The following SAP18 variants were observed in gnomAD, a reference collection of about 807,000 sequenced individuals.
SAP18 encodes the protein histone deacetylase complex subunit SAP18.
Under a neutral mutation model 18.6 loss-of-function variants are expected in SAP18, and 4 were observed. That is an observed-to-expected ratio of 0.21 (90% CI 0.11 to 0.49). The LOEUF (loss-of-function observed/expected upper bound fraction) is 0.49. SAP18 is among the 20% of genes least tolerant of loss of function. SAP18 has a pLI of 0.98. For synonymous variants in SAP18, 112 were observed against 82.8 expected (o/e 1.35, Z -1.92); for missense variants, 170 against 226.4 (o/e 0.75, Z 1.60).
chr13:21,146,591 A>C (rs1267243124), intron 2 of SAP18: 6 of 362,152 alleles, frequency 1.7e-5, no homozygotes, highest in African/African-American at 4.2e-5. Context: ...GAGTCTAATT[A>C]ATTGAAATTT....
At chr13:21,142,393 C>T (rs2137336229) in intron 2 of SAP18, among the ~76,000 whole-genome samples, 1 of 151,902 alleles carries the variant, frequency 6.6e-6, no homozygotes, top group South Asian at 2.1e-4. Context: ...GTGGCGTGAT[C>T]TCAGCTCACT....
chr13:21,141,611 C>T (rs1482626908), intron 2 of SAP18: 1 of 153,966 alleles, frequency 6.5e-6, no homozygotes, highest in Middle Eastern at 3.1e-3. Flanking sequence ...GGATTGACAC[C>T]ATAATGGCTT....
chr13:21,141,364 G>A (rs1467449765), intron 2 of SAP18: 1 of 251,134 alleles, frequency 4.0e-6, no homozygotes, highest in Non-Finnish European at 8.0e-6. Flanking sequence ...GGAGAGTGAT[G>A]CTGTCGAGTG....
At chr13:21,148,292 TTAAA>T (rs1279929680) in exon 4 of SAP18, 1 of 152,228 alleles carries the variant, frequency 6.6e-6, no homozygotes, top group African/African-American at 2.4e-5. Context: ...ACTGAATATT[TTAAA>T]AGAGCTTAGA....
chr13:21,146,607 A>AGTAAG (rs1375397555), intron 2 of SAP18, 198 bp from the exon 3 acceptor site: 2 of 390,252 alleles, frequency 5.1e-6, no homozygotes, highest in African/African-American at 4.1e-5. Context: ...AATTTCCAGC[A>AGTAAG]GTAAGGCTGG....
chr13:21,142,861 C>T (rs938133646), intron 2 of SAP18, among the ~76,000 whole-genome samples: 6 of 152,110 alleles, frequency 3.9e-5, no homozygotes, highest in Non-Finnish European at 8.8e-5. Context: ...TGTGCCGGTA[C>T]CCTGTTAAGG....
intron 1 of SAP18, 44 bp from the exon 2 acceptor site, chr13:21,140,842 C>T (rs1332150922): frequency 5.1e-6 from 8 of 1,583,008 alleles, no homozygotes; most frequent in East Asian, 4.5e-5. Context: ...GGGTTCGCAG[C>T]TGGTGTTTTT....
At chr13:21,140,283 G>A (rs957593912), upstream of SAP18, among the ~76,000 whole-genome samples, 2 of 152,156 alleles carry the variant, frequency 1.3e-5, no homozygotes, top group African/African-American at 4.8e-5. Context: ...TAAGGTTTTC[G>A]TCATTACGCA....
upstream of SAP18, chr13:21,140,448 G>A: frequency 1.5e-6 from 2 of 1,332,678 alleles, no homozygotes; most frequent in South Asian, 1.5e-5. Flanking sequence ...GCGCGCTCCG[G>A]CTCGCTCACC....
exon 4 of SAP18, chr13:21,147,625 A>G: frequency 3.0e-6 from 1 of 329,146 alleles, no homozygotes; most frequent in Non-Finnish European, 5.6e-6. Flanking sequence ...AAGTTAATGG[A>G]GGCCTGGGAA....
chr13:21,143,699 T>C (rs752147675), intron 2 of SAP18, among the ~76,000 whole-genome samples: 6 of 152,030 alleles, frequency 3.9e-5, no homozygotes, highest in African/African-American at 9.7e-5. Context: ...AGGGTTAAAA[T>C]GGCAGGGTGA....
chr13:21,141,887 G>A (rs891509178), intron 2 of SAP18, among the ~76,000 whole-genome samples: 5 of 151,506 alleles, frequency 3.3e-5, no homozygotes, highest in African/African-American at 1.2e-4. Flanking sequence ...GGCTGGTCTC[G>A]AACTCTTGAC....
At chr13:21,148,166 A>AAGAC (rs1869717657) in exon 4 of SAP18, 1 of 151,210 alleles carries the variant, frequency 6.6e-6, no homozygotes, top group South Asian at 2.1e-4. Flanking sequence ...AGCAGTGATG[A>AAGAC]AGACAGTGCA....
chr13:21,140,895 C>T (rs1383414147), exon 2 of SAP18: 2 of 1,613,708 alleles, frequency 1.2e-6, no homozygotes, highest in South Asian at 1.1e-5. Context: ...GACATGCCCA[C>T]TGTTGCTACG....
At chr13:21,148,205 G>C (rs1032845215) in exon 4 of SAP18, 1 of 152,204 alleles carries the variant, frequency 6.6e-6, no homozygotes, top group Non-Finnish European at 1.5e-5. Context: ...GATTGCAGCA[G>C]TGACTCTGCA....
chr13:21,141,305 C>T, intron 2 of SAP18: 1 of 388,454 alleles, frequency 2.6e-6, no homozygotes, highest in Non-Finnish European at 4.8e-6. Context: ...TAGTATCTGC[C>T]CTAAAGGGAC....
exon 4 of SAP18, chr13:21,147,399 C>A: frequency 1.4e-6 from 2 of 1,430,542 alleles, no homozygotes; most frequent in Non-Finnish European, 9.6e-7. Flanking sequence ...AATAAACATA[C>A]TCTTCTTCCT....
intron 1 of SAP18, 27 bp from the exon 2 acceptor site, chr13:21,140,859 T>A: frequency 6.2e-7 from 1 of 1,600,022 alleles, no homozygotes; most frequent in East Asian, 2.2e-5. Context: ...TTTTAACTTC[T>A]GCCCTTCCGT....
chr13:21,147,487 G>A lies in SAP18; in HGVS notation c.*145G>A, dbSNP rs138835313. 1.4e-5 allele frequency: 10 copies of A among 729,958 alleles called. No homozygotes were observed. The African/African-American group carries it at 1.6e-4, about 12-fold the overall frequency. 45.2% of individuals were successfully genotyped at this position (729,958 alleles called of 1,614,324 possible). A position where few individuals can be genotyped will look rare whatever the true frequency, so the allele number is the denominator to read the frequency against. ...ATCTATTTAGGAGTTAGATTTGGATGTGCTATTGTATGATTACGAATAGTC... is the reference window on the plus strand; with the variant it reads ...ATCTATTTAGGAGTTAGATTTGGATATGCTATTGTATGATTACGAATAGTC... On this transcript the variant is annotated 3_prime_UTR_variant, in exon 4 of 4. Transcript: ENST00000621421.
Sources: gnomAD v4.1 joint callset for allele counts (sites outside exome capture counted in the v4.1 genomes callset) on GRCh38, gnomAD v4.1.1 for gene constraint, MANE v1.5 for transcripts, NCBI Gene and HGNC (gene_info 2026-07-23, HGNC 2026-07-21) for gene names.